PTPRD: variants seen among roughly 807,000 people sequenced by gnomAD.
PTPRD encodes protein tyrosine phosphatase receptor type D, also known as receptor-type tyrosine-protein phosphatase delta.
PTPRD carries 34 observed loss-of-function variants against 214.5 expected under a neutral mutation model. The observed-to-expected ratio is 0.16, with a 90% CI of 0.12 to 0.21. The LOEUF is 0.21. Among genes scored for constraint, PTPRD ranks in the 10% least tolerant of loss-of-function variants. The pLI, the probability that PTPRD is intolerant of heterozygous loss-of-function variation, is 1.00. For missense variants in PTPRD, 2,545 were observed against 2,398.7 expected, an observed-to-expected ratio of 1.06 and a Z score of -1.27; for synonymous variants, 1,128 against 845.7, an observed-to-expected ratio of 1.33 and a Z score of -5.79.
At chr9:8,607,097 G>A (rs1434679925) in intron 14 of PTPRD, among the ~76,000 whole-genome samples, 1 of 152,112 alleles carries the variant, frequency 6.6e-6, no homozygotes, top group Non-Finnish European at 1.5e-5. Context: ...GGAGAAACAA[G>A]TTCAAGAGAT....
At chr9:9,600,979 C>A (rs1394455629) in intron 7 of PTPRD, among the ~76,000 whole-genome samples, 1 of 151,726 alleles carries the variant, frequency 6.6e-6, no homozygotes, top group African/African-American at 2.4e-5. Context: ...GGTAATGAGA[C>A]CTGGATATTT....
chr9:8,733,614 G>A lies in PTPRD; in HGVS notation c.64+166C>T, dbSNP rs558846565. Among the ~76,000 whole-genome samples the A allele has an allele frequency of 6.6e-5, 10 of 152,300 alleles. No individual in the cohort carries two copies. The South Asian group carries it at 1.4e-3, about 22-fold the overall frequency. ...GGAGAGGAAATGGTGAGGAAGTCAC[G>A]TCAATAATCTCTTTCAAAGGCTGGC... On this transcript the variant is annotated intron_variant, in intron 12 of 45. Coordinates refer to ENST00000381196, the MANE Select transcript of PTPRD (RefSeq NM_002839.4).
intron 2 of PTPRD, among the ~76,000 whole-genome samples, chr9:10,578,733 A>C (rs1251517857): frequency 6.6e-6 from 1 of 152,050 alleles, no homozygotes; most frequent in African/African-American, 2.4e-5. Context: ...TTTTTGAATA[A>C]TTTCAACTTT....
intron 12 of PTPRD, among the ~76,000 whole-genome samples, chr9:8,642,613 G>A (rs995626165): frequency 5.3e-5 from 8 of 152,136 alleles, no homozygotes; most frequent in Non-Finnish European, 1.2e-4. Flanking sequence ...CTCAGGAACA[G>A]GGCCTTTGGG....
intron 11 of PTPRD, among the ~76,000 whole-genome samples, chr9:8,965,275 G>A (rs1474985537): frequency 6.6e-6 from 1 of 151,914 alleles, no homozygotes; most frequent in Non-Finnish European, 1.5e-5. Context: ...AGCTACTAGG[G>A]AGGCTGAGGC....
chr9:10,214,679 T>C (rs953209559), intron 3 of PTPRD, among the ~76,000 whole-genome samples: 2 of 152,072 alleles, frequency 1.3e-5, no homozygotes, highest in East Asian at 3.9e-4. Flanking sequence ...CCTGCCTCTA[T>C]GCAATCCTTC....
intron 12 of PTPRD, among the ~76,000 whole-genome samples, chr9:8,707,290 T>C (rs2098230155): frequency 1.3e-5 from 2 of 152,254 alleles, no homozygotes; most frequent in South Asian, 4.1e-4. Context: ...GGATGTTACC[T>C]GGATGGGCAA....
chr9:10,289,064 C>A (rs1364212812), intron 3 of PTPRD, among the ~76,000 whole-genome samples: 3 of 148,164 alleles, frequency 2.0e-5, no homozygotes, highest in South Asian at 4.3e-4. Flanking sequence ...CTTTTATATT[C>A]TCTGGAAAAC....
intron 37 of PTPRD, among the ~76,000 whole-genome samples, chr9:8,388,691 C>T (rs1159413374): frequency 1.3e-5 from 2 of 152,276 alleles, no homozygotes; most frequent in Admixed American, 1.3e-4. Context: ...TTTAAACTAG[C>T]AAAACGCCCT....
At chr9:9,140,864 C>T (rs1055363004) in intron 10 of PTPRD, among the ~76,000 whole-genome samples, 1 of 152,128 alleles carries the variant, frequency 6.6e-6, no homozygotes, top group Non-Finnish European at 1.5e-5. Flanking sequence ...AGGCGTGAGC[C>T]ACCGTACCCG....
intron 5 of PTPRD, among the ~76,000 whole-genome samples, chr9:9,936,994 A>T (rs987020623): frequency 9.9e-5 from 15 of 151,622 alleles, no homozygotes; most frequent in African/African-American, 3.2e-4. Flanking sequence ...CAAACCCCAC[A>T]TATTCTCACT....
At chr9:8,769,246 G>A (rs1283828142) in intron 11 of PTPRD, among the ~76,000 whole-genome samples, 10 of 152,048 alleles carry the variant, frequency 6.6e-5, no homozygotes, top group South Asian at 2.1e-4. Context: ...GAGTTCATTC[G>A]GAATTTCTTT....
chr9:9,790,353 G>A (rs1017344450), intron 5 of PTPRD, among the ~76,000 whole-genome samples: 3 of 152,140 alleles, frequency 2.0e-5, no homozygotes, highest in African/African-American at 7.2e-5. Flanking sequence ...CCAGGGGCTT[G>A]AGAATGACAC....
intron 2 of PTPRD, among the ~76,000 whole-genome samples, chr9:10,412,913 C>G (rs1363750414): frequency 6.6e-6 from 1 of 151,808 alleles, no homozygotes; most frequent in Non-Finnish European, 1.5e-5. Context: ...AATTCAACAT[C>G]CCTTCATGTT....
intron 10 of PTPRD, among the ~76,000 whole-genome samples, chr9:9,078,062 G>A (rs1346533738): frequency 6.6e-6 from 1 of 151,976 alleles, no homozygotes; most frequent in Non-Finnish European, 1.5e-5. Flanking sequence ...ATTTTCAATG[G>A]CTTATGAGAT....
intron 11 of PTPRD, chr9:8,963,031 T>A (rs145871163): frequency 6.6e-6 from 1 of 152,144 alleles, no homozygotes; most frequent in African/African-American, 2.4e-5. Context: ...GTAAAATGTA[T>A]AAAATATACA....
At chr9:9,416,419 T>G (rs906458503) in intron 8 of PTPRD, among the ~76,000 whole-genome samples, 10 of 152,182 alleles carry the variant, frequency 6.6e-5, no homozygotes, top group African/African-American at 2.4e-4. Flanking sequence ...TGATCCTTGG[T>G]TTCCTCATGG....
chr9:9,633,395 G>C (rs550971433), intron 7 of PTPRD, among the ~76,000 whole-genome samples: 1 of 152,086 alleles, frequency 6.6e-6, no homozygotes, highest in Non-Finnish European at 1.5e-5. Context: ...TTTATAGATT[G>C]TAGGGAGTCA....
At chr9:8,447,387 A>C (rs1191476659) in intron 34 of PTPRD, among the ~76,000 whole-genome samples, 1 of 152,222 alleles carries the variant, frequency 6.6e-6, no homozygotes, top group Non-Finnish European at 1.5e-5. Flanking sequence ...TTACAATTGT[A>C]ACATTCATTC....
Sources: allele counts gnomAD v4.1 joint callset (sites outside exome capture counted in the v4.1 genomes callset), GRCh38; gene constraint gnomAD v4.1.1; transcripts MANE v1.5; gene names NCBI Gene and HGNC (gene_info 2026-07-23, HGNC 2026-07-21).